The following CDH20 variants were observed in gnomAD, a reference collection of about 807,000 sequenced individuals.
CDH20 encodes cadherin-20.
Under a neutral mutation model 74.2 loss-of-function variants are expected in CDH20, and 29 were observed. The ratio of observed to expected loss-of-function variants is 0.39; its 90% CI spans 0.29 to 0.53. The LOEUF is 0.53. Among genes scored for constraint, CDH20 ranks in the 20% least tolerant of loss-of-function variants. The pLI, the probability that CDH20 is intolerant of heterozygous loss-of-function variation, is 0.69. For synonymous variants in CDH20, 469 were observed against 405.4 expected (o/e 1.16, Z -1.88); for missense variants, 988 against 1,048.3 (o/e 0.94, Z 0.79).
In CDH20 at chr18:61,399,386, A is replaced by G. The variant is rs1361465745; in HGVS notation, c.-153+65559A>G. 2.0e-5 allele frequency among the ~76,000 whole-genome samples: 3 copies of G among 152,116 alleles called. No individual in the cohort carries two copies. In the South Asian group the frequency reaches 6.2e-4, roughly 32 times the overall value. The stretch of plus-strand genomic sequence containing the variant: ...TGCTTTCCTTGGGTCTCATTTTCCA[A>G]TTTTAAAATCCACATAGCTAGAAGG... On this transcript the variant is annotated intron_variant, in intron 1 of 11. Transcript: ENST00000262717.
chr18:61,351,946 G>A (rs559640637), intron 1 of CDH20, among the ~76,000 whole-genome samples: 4 of 152,162 alleles, frequency 2.6e-5, no homozygotes, highest in African/African-American at 7.2e-5. Flanking sequence ...CTATGAGAGC[G>A]AGATAAAGCC....
At chr18:61,544,851 T>TC (rs1308045491) in intron 9 of CDH20, among the ~76,000 whole-genome samples, 176 bp from the exon 10 acceptor site, 5 of 152,158 alleles carry the variant, frequency 3.3e-5, no homozygotes, top group Non-Finnish European at 5.9e-5. Flanking sequence ...GATGGAGCCC[T>TC]CACCAGGAAC....
intron 6 of CDH20, among the ~76,000 whole-genome samples, chr18:61,523,161 C>T (rs1416299443): frequency 1.3e-5 from 2 of 151,744 alleles, no homozygotes; most frequent in African/African-American, 2.4e-5. Context: ...TGCAATCTAT[C>T]CATCTGACAA....
At chr18:61,498,749 A>C (rs1302283356) in intron 2 of CDH20, among the ~76,000 whole-genome samples, 1 of 152,240 alleles carries the variant, frequency 6.6e-6, no homozygotes, top group African/African-American at 2.4e-5. Flanking sequence ...TTGAATTGTC[A>C]TAAAACTGTT....
intron 1 of CDH20, among the ~76,000 whole-genome samples, chr18:61,358,981 C>G (rs894411099): frequency 1.3e-5 from 2 of 152,114 alleles, no homozygotes; most frequent in Non-Finnish European, 2.9e-5. Flanking sequence ...ATTGGTCTCA[C>G]AACCTTCTGT....
intron 1 of CDH20, among the ~76,000 whole-genome samples, chr18:61,389,453 T>C (rs1233677439): frequency 6.6e-6 from 1 of 152,182 alleles, no homozygotes; most frequent in African/African-American, 2.4e-5. Flanking sequence ...CAGTTTTGTA[T>C]AGGAGATATG....
chr18:61,367,986 C>T (rs1910913059), intron 1 of CDH20, among the ~76,000 whole-genome samples: 1 of 152,116 alleles, frequency 6.6e-6, no homozygotes, highest in African/African-American at 2.4e-5. Flanking sequence ...TTAGGACTTA[C>T]TCTGATGACC....
intron 1 of CDH20, among the ~76,000 whole-genome samples, chr18:61,449,465 T>C (rs1043729814): frequency 2.6e-5 from 4 of 152,118 alleles, no homozygotes; most frequent in African/African-American, 4.8e-5. Context: ...GATTCTCACA[T>C]GGTTAATGGC....
intron 1 of CDH20, among the ~76,000 whole-genome samples, chr18:61,432,244 C>CAA (rs552208549): frequency 0.028 from 2,271 of 81,668 alleles, 87 homozygotes; most frequent in African/African-American, 0.085. Flanking sequence ...AACTCTATCT[C>CAA]AAAAAAAAAA....
In CDH20 at chr18:61,523,787, C is replaced by T. The variant is rs940135788; in HGVS notation, c.1018-4180C>T. Among the ~76,000 whole-genome samples, 5 of 151,350 alleles carry T rather than the reference C, an allele frequency of 3.3e-5. No individual in the cohort carries two copies. The East Asian group carries it at 9.8e-4, about 30-fold the overall frequency. ...CTTTTCAGGGACATGGATGAAACCACCATTCTCAGCAAGCTAACACATGGA... is the reference window on the plus strand; with the variant it reads ...CTTTTCAGGGACATGGATGAAACCATCATTCTCAGCAAGCTAACACATGGA... On this transcript the variant is annotated intron_variant, in intron 6 of 11. Coordinates refer to ENST00000262717, the MANE Select transcript of CDH20 (RefSeq NM_031891.4).
chr18:61,528,675 G>A (rs570050926), intron 7 of CDH20, among the ~76,000 whole-genome samples: 11 of 152,206 alleles, frequency 7.2e-5, no homozygotes, highest in South Asian at 2.1e-4. Flanking sequence ...GGGAAGTGGT[G>A]TAAAATCACC....
At chr18:61,379,958 A>G (rs1035045021) in intron 1 of CDH20, among the ~76,000 whole-genome samples, 4 of 152,202 alleles carry the variant, frequency 2.6e-5, no homozygotes, top group African/African-American at 4.8e-5. Flanking sequence ...CAATAAGCAA[A>G]GTGTTTCTAA....
chr18:61,485,579 T>C (rs554706036), intron 1 of CDH20, among the ~76,000 whole-genome samples: 1 of 152,222 alleles, frequency 6.6e-6, no homozygotes, highest in South Asian at 2.1e-4. Context: ...ACCTCTGTAG[T>C]AAATGAAAAT....
intron 1 of CDH20, among the ~76,000 whole-genome samples, chr18:61,379,511 C>A (rs1450088211): frequency 6.6e-6 from 1 of 152,056 alleles, no homozygotes; most frequent in Non-Finnish European, 1.5e-5. Context: ...ATAAAGCTTA[C>A]TAGAGAAAAG....
At chr18:61,508,508 C>T (rs1260447228) in intron 6 of CDH20, among the ~76,000 whole-genome samples, 1 of 110,700 alleles carries the variant, frequency 9.0e-6, no homozygotes, top group East Asian at 2.7e-4. Context: ...GCTAAATGCC[C>T]ATCAATCAAA....
rs1912291766 is a variant in CDH20 at position 61,405,225 on chromosome 18, G to A, written c.-153+71398G>A. ...CACCATCTTTCTGCCTTAGGTGTGG[G>A]ATGGCCCCCAACCAGGAGCTGCTGC... On this transcript the variant is annotated intron_variant, in intron 1 of 11. Transcript: ENST00000262717. 1.0e-5 allele frequency: 4 copies of A among 396,244 alleles called. No individual in the cohort carries two copies. In the Admixed American group the frequency reaches 1.5e-4, roughly 15 times the overall value. The allele number at this position is 396,244 out of a possible 1,614,324, so 24.5% of individuals were successfully genotyped here.
At chr18:61,470,598 C>T (rs1230447336) in intron 1 of CDH20, among the ~76,000 whole-genome samples, 6 of 149,138 alleles carry the variant, frequency 4.0e-5, no homozygotes, top group Admixed American at 3.3e-4. Context: ...GAGACAAGAA[C>T]CTGGAAAGAA....
At chr18:61,476,173 G>A (rs557228897) in intron 1 of CDH20, among the ~76,000 whole-genome samples, 4 of 152,076 alleles carry the variant, frequency 2.6e-5, no homozygotes, top group African/African-American at 4.8e-5. Context: ...AGAGAATGCC[G>A]CAGAAGACAT....
intron 1 of CDH20, among the ~76,000 whole-genome samples, chr18:61,383,148 CACTT>C: frequency 6.6e-6 from 1 of 152,324 alleles, no homozygotes; most frequent in South Asian, 2.1e-4. Context: ...ACCACAAAAG[CACTT>C]ACTTATATTA....
Sources: allele counts gnomAD v4.1 joint callset (sites outside exome capture counted in the v4.1 genomes callset), GRCh38; gene constraint gnomAD v4.1.1; transcripts MANE v1.5; gene names NCBI Gene and HGNC (gene_info 2026-07-23, HGNC 2026-07-21).